Variants in ST3GAL3 observed in about 807,000 individuals in gnomAD.
ST3GAL3 encodes CMP-N-acetylneuraminate-beta-1,4-galactoside alpha-2,3-sialyltransferase.
ST3GAL3 carries 21 observed loss-of-function variants against 50.1 expected under a neutral mutation model. That is an observed-to-expected ratio of 0.42 (90% CI 0.30 to 0.60). The LOEUF is 0.60. Among genes scored for constraint, ST3GAL3 ranks in the 20% least tolerant of loss-of-function variants. ST3GAL3 has a pLI of 0.19. For synonymous variants in ST3GAL3, 183 were observed against 190.0 expected (o/e 0.96, Z 0.30); for missense variants, 353 against 489.4 (o/e 0.72, Z 2.63).
intron 4 of ST3GAL3, among the ~76,000 whole-genome samples, chr1:43,817,775 T>TTCC (rs1558440751): frequency 1.0e-5 from 1 of 100,094 alleles, no homozygotes; most frequent in African/African-American, 3.7e-5. Context: ...CTTCTTCTTC[T>TTCC]CCTCCTTCTT....
chr1:43,877,339 G>A (rs1196330587), intron 5 of ST3GAL3, among the ~76,000 whole-genome samples: 1 of 152,154 alleles, frequency 6.6e-6, no homozygotes, highest in Non-Finnish European at 1.5e-5. Flanking sequence ...AGCCACGTGG[G>A]TGCAGGGTCT....
intron 1 of ST3GAL3, among the ~76,000 whole-genome samples, chr1:43,714,404 A>G (rs1315053067): frequency 6.9e-6 from 1 of 144,440 alleles, no homozygotes; most frequent in African/African-American, 2.5e-5. Context: ...CCTGGGCAAC[A>G]CGGTGAAACC....
chr1:43,743,631 C>A (rs1682075437), intron 2 of ST3GAL3: 4 of 288,888 alleles, frequency 1.4e-5, no homozygotes, highest in South Asian at 9.7e-5. Context: ...GGTGGCCAAT[C>A]CATGAAACAG....
At position 43,909,552 on chromosome 1, in the gene ST3GAL3, A is replaced by G. The variant is rs1420558791; in HGVS notation, c.744+9825A>G. ...TTTTCTGACCCTCTCCTCATAGCAC[A>G]CATCAAAATAAATCCCAAACGGACT... is the stretch of plus-strand genomic sequence containing the variant. On this transcript the variant is annotated intron_variant, in intron 9 of 11. Coordinates refer to ENST00000347631, the MANE Select transcript of ST3GAL3 (RefSeq NM_006279.5). 3.3e-5 allele frequency among the ~76,000 whole-genome samples: 5 copies of G among 152,248 alleles called. No homozygotes were observed. The South Asian group carries it at 8.3e-4, about 25-fold the overall frequency.
At chr1:43,910,767 G>A (rs1285282467) in intron 9 of ST3GAL3, among the ~76,000 whole-genome samples, 1 of 152,244 alleles carries the variant, frequency 6.6e-6, no homozygotes, top group Non-Finnish European at 1.5e-5. Flanking sequence ...GGTGTATTTA[G>A]TGAATTAAAA....
At chr1:43,847,178 T>A (rs1457656010) in intron 5 of ST3GAL3, among the ~76,000 whole-genome samples, 1 of 152,188 alleles carries the variant, frequency 6.6e-6, no homozygotes, top group Non-Finnish European at 1.5e-5. Flanking sequence ...TGTAGAGAAA[T>A]TAGAATCCTT....
At chr1:43,851,626 G>A in intron 5 of ST3GAL3, 3 of 1,289,130 alleles carry the variant, frequency 2.3e-6, no homozygotes, top group Non-Finnish European at 3.4e-6. Flanking sequence ...TCTCCTTAAT[G>A]ATGTTGTAAA....
chr1:43,843,640 G>A (rs576526756), intron 5 of ST3GAL3, among the ~76,000 whole-genome samples: 4 of 152,278 alleles, frequency 2.6e-5, no homozygotes, highest in South Asian at 2.1e-4. Flanking sequence ...TACAAATTTT[G>A]TGTACAATTG....
chr1:43,771,326 A>G (rs1198074544), intron 2 of ST3GAL3, among the ~76,000 whole-genome samples: 7 of 151,780 alleles, frequency 4.6e-5, no homozygotes, highest in East Asian at 1.9e-4. Flanking sequence ...CTTGGAAATC[A>G]TTATATTTAA....
chr1:43,877,816 T>C (rs188813154), intron 5 of ST3GAL3, among the ~76,000 whole-genome samples: 84 of 152,338 alleles, frequency 5.5e-4, no homozygotes, highest in African/African-American at 2.0e-3. Flanking sequence ...TTGTGCCCCT[T>C]CCCTGAAGGT....
chr1:43,726,485 C>G (rs1672978901), intron 1 of ST3GAL3, among the ~76,000 whole-genome samples: 1 of 152,140 alleles, frequency 6.6e-6, no homozygotes, highest in African/African-American at 2.4e-5. Context: ...TGGAATTTTG[C>G]TGTGTTGCCC....
intron 2 of ST3GAL3, among the ~76,000 whole-genome samples, chr1:43,766,817 G>A (rs558978887): frequency 6.6e-6 from 1 of 152,302 alleles, no homozygotes; most frequent in Admixed American, 6.5e-5. Context: ...TGAGCACCTA[G>A]AATTTAAAAT....
intron 5 of ST3GAL3, among the ~76,000 whole-genome samples, chr1:43,843,967 A>C (rs752926085): frequency 6.6e-6 from 1 of 152,228 alleles, no homozygotes; most frequent in Non-Finnish European, 1.5e-5. Context: ...CCAACCAGCT[A>C]TAAGTTGTGA....
intron 9 of ST3GAL3, among the ~76,000 whole-genome samples, chr1:43,906,003 C>T (rs1201068783): frequency 1.1e-5 from 1 of 89,934 alleles, no homozygotes; most frequent in Non-Finnish European, 2.3e-5. Flanking sequence ...CCACTCTTCC[C>T]CCTCCTCCTT....
At chr1:43,876,884 G>A (rs943463722) in intron 5 of ST3GAL3, among the ~76,000 whole-genome samples, 1 of 152,182 alleles carries the variant, frequency 6.6e-6, no homozygotes, top group Admixed American at 6.5e-5. Context: ...GCTGTTCTAG[G>A]TACTAGGCAT....
intron 5 of ST3GAL3, among the ~76,000 whole-genome samples, chr1:43,873,492 G>A (rs2073437215): frequency 6.6e-6 from 1 of 152,138 alleles, no homozygotes; most frequent in Non-Finnish European, 1.5e-5. Context: ...CTATCAAGAA[G>A]GCAGGGGAAG....
intron 2 of ST3GAL3, among the ~76,000 whole-genome samples, chr1:43,748,811 A>G (rs1339205043): frequency 6.6e-6 from 1 of 152,106 alleles, no homozygotes; most frequent in Admixed American, 6.5e-5. Flanking sequence ...TTAAGTGAAG[A>G]TCCTCATTCT....
chr1:43,804,822 G>A (rs1054398107), intron 3 of ST3GAL3, among the ~76,000 whole-genome samples: 2 of 152,180 alleles, frequency 1.3e-5, no homozygotes, highest in African/African-American at 4.8e-5. Flanking sequence ...GAGGGAGAAG[G>A]AGAGGGAGAG....
chr1:43,744,268 T>A (rs76217452), intron 2 of ST3GAL3, among the ~76,000 whole-genome samples: 1 of 152,104 alleles, frequency 6.6e-6, no homozygotes, highest in East Asian at 1.9e-4. Context: ...CTTTTTTTTT[T>A]AGACAGAATC....
Sources: gnomAD v4.1 joint callset for allele counts (sites outside exome capture counted in the v4.1 genomes callset) on GRCh38, gnomAD v4.1.1 for gene constraint, MANE v1.5 for transcripts, NCBI Gene and HGNC (gene_info 2026-07-23, HGNC 2026-07-21) for gene names.